Variants in LRFN5 observed in about 807,000 individuals in gnomAD.
LRFN5 encodes the protein leucine-rich repeat and fibronectin type-III domain-containing protein 5.
LRFN5 carries 24 observed loss-of-function variants against 45.6 expected under a neutral mutation model. The ratio of observed to expected loss-of-function variants is 0.53; its 90% CI spans 0.38 to 0.74. LRFN5 has a LOEUF of 0.74. Ranked by LOEUF, LRFN5 falls within the 30% of genes least tolerant of loss-of-function variation. The pLI is 0.00. For synonymous variants in LRFN5, 340 were observed against 313.8 expected, an observed-to-expected ratio of 1.08 and a Z score of -0.88; for missense variants, 776 against 861.5, an observed-to-expected ratio of 0.90 and a Z score of 1.24.
chr14:41,808,484 C>T (rs1306589029), intron 2 of LRFN5, among the ~76,000 whole-genome samples: 1 of 112,706 alleles, frequency 8.9e-6, no homozygotes, highest in African/African-American at 3.6e-5. Context: ...AAAGTATACC[C>T]AATTGTGGCC....
At chr14:41,699,721 T>C (rs1449468059) in intron 1 of LRFN5, 4 of 152,096 alleles carry the variant, frequency 2.6e-5, no homozygotes, top group Non-Finnish European at 4.4e-5. Flanking sequence ...GATAGAGTTA[T>C]TGAGTCAACC....
At position 41,627,280 on chromosome 14, in the gene LRFN5, G is replaced by A. The variant is rs537946537; in HGVS notation, c.-197+18718G>A. 2.2e-4 allele frequency among the ~76,000 whole-genome samples: 33 copies of A among 152,110 alleles called. 1 individual carries two copies. Among genetic ancestry groups the A allele is most frequent in the African/African-American group, 7.2e-4 (30 of 41,522 alleles). ...TTTCATTATCCCTAAAAGGAACTCC[G>A]TATCTGTTAGGAGTCACACACCATT... On this transcript the variant is annotated intron_variant, in intron 1 of 5. Transcript: ENST00000298119.
chr14:41,684,764 C>A (rs1882049308), intron 1 of LRFN5, among the ~76,000 whole-genome samples: 1 of 152,028 alleles, frequency 6.6e-6, no homozygotes. Flanking sequence ...AGTAATACTC[C>A]ACAAGCGCAG....
chr14:41,857,587 C>A (rs184319077), intron 2 of LRFN5, among the ~76,000 whole-genome samples: 241 of 152,160 alleles, frequency 1.6e-3, no homozygotes, highest in Non-Finnish European at 2.8e-3. Flanking sequence ...TGTATTTGTT[C>A]GTTCATTCTT....
intron 1 of LRFN5, among the ~76,000 whole-genome samples, chr14:41,756,000 T>G (rs1447425035): frequency 1.3e-5 from 2 of 152,158 alleles, no homozygotes; most frequent in African/African-American, 4.8e-5. Flanking sequence ...GTCTGTAAAG[T>G]ATTTTATTTC....
intron 1 of LRFN5, among the ~76,000 whole-genome samples, chr14:41,674,946 G>A (rs1181489408): frequency 1.4e-5 from 2 of 145,794 alleles, no homozygotes; most frequent in African/African-American, 5.1e-5. Flanking sequence ...GGGTAGAGGC[G>A]CTCCTCACAT....
In LRFN5 at chr14:41,683,435, G is replaced by T. The variant is rs117344846; in HGVS notation, c.-197+74873G>T. ...GACAAAGATACCCACTTTCACTACT[G>T]TTATTCAACATAGTATGGGGTGTCC... On this transcript the variant is annotated intron_variant, in intron 1 of 5. Coordinates refer to ENST00000298119, the MANE Select transcript of LRFN5 (RefSeq NM_152447.5). Among the ~76,000 whole-genome samples, 1,493 of 152,208 alleles carry T rather than the reference G, an allele frequency of 9.8e-3. 7 individuals carry two copies. The highest frequency in any genetic ancestry group is 0.02 in the East Asian group (104 of 5,178).
At chr14:41,783,191 T>TG (rs930921030) in intron 2 of LRFN5, among the ~76,000 whole-genome samples, 23 of 151,952 alleles carry the variant, frequency 1.5e-4, no homozygotes, top group African/African-American at 5.3e-4. Flanking sequence ...ATCAGATCGG[T>TG]GGGTTTATGA....
At chr14:41,860,848 G>A (rs534372736) in intron 2 of LRFN5, among the ~76,000 whole-genome samples, 1 of 152,282 alleles carries the variant, frequency 6.6e-6, no homozygotes, top group South Asian at 2.1e-4. Flanking sequence ...CTTGGAAAAC[G>A]AAAGCTACAG....
chr14:41,882,728 T>C (rs1890424646), intron 2 of LRFN5, among the ~76,000 whole-genome samples: 1 of 152,144 alleles, frequency 6.6e-6, no homozygotes, highest in South Asian at 2.1e-4. Flanking sequence ...AATGCATTCT[T>C]AGAAGTTTGG....
chr14:41,831,128 G>A (rs536491817), intron 2 of LRFN5, among the ~76,000 whole-genome samples: 2 of 152,256 alleles, frequency 1.3e-5, no homozygotes, highest in South Asian at 4.1e-4. Context: ...GAAAGCCCAT[G>A]TAGCTGTACC....
chr14:41,749,155 AG>A, intron 1 of LRFN5, among the ~76,000 whole-genome samples: 1 of 152,204 alleles, frequency 6.6e-6, no homozygotes, highest in East Asian at 1.9e-4. Flanking sequence ...CACCTCTTAA[AG>A]GCCTCACCTC....
intron 1 of LRFN5, among the ~76,000 whole-genome samples, chr14:41,609,329 G>GTCTGT (rs567075160): frequency 1.3e-5 from 2 of 151,686 alleles, no homozygotes; most frequent in African/African-American, 4.9e-5. Context: ...TTTTGTTGTT[G>GTCTGT]TTGTTTGTTT....
intron 1 of LRFN5, among the ~76,000 whole-genome samples, chr14:41,654,400 A>G (rs901649083): frequency 6.6e-6 from 1 of 152,044 alleles, no homozygotes; most frequent in Non-Finnish European, 1.5e-5. Context: ...TGTACATAGT[A>G]TGTACATAGT....
At chr14:41,674,234 G>T (rs1268341147) in intron 1 of LRFN5, among the ~76,000 whole-genome samples, 1 of 135,808 alleles carries the variant, frequency 7.4e-6, no homozygotes, top group Non-Finnish European at 1.6e-5. Context: ...GGACGGGGCG[G>T]CTGGCCGGGC....
chr14:41,673,553 GCGGC>G (rs1881365723), intron 1 of LRFN5, among the ~76,000 whole-genome samples: 1 of 146,950 alleles, frequency 6.8e-6, no homozygotes, highest in Non-Finnish European at 1.5e-5. Context: ...CCCGGACGGG[GCGGC>G]TGGCCGGGCA....
At chr14:41,812,364 A>G (rs1166257646) in intron 2 of LRFN5, among the ~76,000 whole-genome samples, 1 of 151,964 alleles carries the variant, frequency 6.6e-6, no homozygotes, top group East Asian at 1.9e-4. Context: ...TAATAATATT[A>G]TAATTTTAGC....
intron 1 of LRFN5, among the ~76,000 whole-genome samples, chr14:41,708,404 C>G (rs1883151559): frequency 6.6e-6 from 1 of 151,870 alleles, no homozygotes; most frequent in Admixed American, 6.6e-5. Flanking sequence ...GCATTCATTG[C>G]TAAAGATTAA....
chr14:41,617,250 A>C (rs1887959975), intron 1 of LRFN5, among the ~76,000 whole-genome samples: 1 of 152,022 alleles, frequency 6.6e-6, no homozygotes, highest in African/African-American at 2.4e-5. Context: ...GGCACTGTAG[A>C]TTTTTACTTT....
Sources: gnomAD v4.1 joint callset for allele counts (sites outside exome capture counted in the v4.1 genomes callset) on GRCh38, gnomAD v4.1.1 for gene constraint, MANE v1.5 for transcripts, NCBI Gene and HGNC (gene_info 2026-07-23, HGNC 2026-07-21) for gene names.